SYNPR: variants seen among roughly 807,000 people sequenced by gnomAD.
The protein encoded by SYNPR is synaptoporin.
A neutral mutation model predicts 32.9 loss-of-function variants in SYNPR; 23 were observed. The observed-to-expected ratio is 0.70, with a 90% CI of 0.50 to 0.99. The LOEUF (loss-of-function observed/expected upper bound fraction) is 0.99, where lower values mean the gene tolerates loss of function less well. Ranked by LOEUF, SYNPR falls within the 50% of genes least tolerant of loss-of-function variation. SYNPR has a pLI of 0.00. For synonymous variants in SYNPR, 146 were observed against 135.9 expected, an observed-to-expected ratio of 1.07 and a Z score of -0.52; for missense variants, 318 against 349.3, an observed-to-expected ratio of 0.91 and a Z score of 0.71.
At chr3:63,498,590 T>C (rs28716040) in intron 3 of SYNPR, among the ~76,000 whole-genome samples, 25,960 of 151,914 alleles carry the variant, frequency 0.17, 2,258 homozygotes, top group African/African-American at 0.2. Flanking sequence ...AGATGAACGA[T>C]TGCAAAGATC....
At chr3:63,245,745 G>C (rs866333543) in intron 1 of SYNPR, among the ~76,000 whole-genome samples, 1 of 98,946 alleles carries the variant, frequency 1.0e-5, no homozygotes, top group African/African-American at 4.6e-5. Context: ...GTGTGTATGT[G>C]TGTGTGTGTG....
chr3:63,313,768 TCC>T (rs2086999310), intron 2 of SYNPR, among the ~76,000 whole-genome samples: 1 of 38,734 alleles, frequency 2.6e-5, no homozygotes, highest in Non-Finnish European at 5.4e-5. Flanking sequence ...CATATATATA[TCC>T]ATATATATAT....
chr3:63,362,078 T>C (rs984991290), intron 2 of SYNPR, among the ~76,000 whole-genome samples: 2 of 152,206 alleles, frequency 1.3e-5, no homozygotes, highest in Non-Finnish European at 1.5e-5. Flanking sequence ...TGCTCCTTCA[T>C]ACAGGACCAT....
chr3:63,493,837 A>T (rs1175823571), intron 3 of SYNPR, among the ~76,000 whole-genome samples: 3 of 150,526 alleles, frequency 2.0e-5, no homozygotes. Context: ...AAAAAAAAAA[A>T]TGGAGATTCC....
chr3:63,384,801 C>T (rs2088019826), intron 2 of SYNPR, among the ~76,000 whole-genome samples: 1 of 152,108 alleles, frequency 6.6e-6, no homozygotes, highest in Admixed American at 6.5e-5. Context: ...TTATTTCCTC[C>T]TCTTTTAAAA....
At chr3:63,564,494 CGG>C (rs1559537927) in intron 4 of SYNPR, among the ~76,000 whole-genome samples, 1 of 122,446 alleles carries the variant, frequency 8.2e-6, no homozygotes, top group African/African-American at 3.6e-5. Flanking sequence ...CGTGCCCAGC[CGG>C]TGTGTGTGTG....
intron 2 of SYNPR, among the ~76,000 whole-genome samples, chr3:63,470,315 T>A (rs1354880388): frequency 6.6e-6 from 1 of 152,244 alleles, no homozygotes. Context: ...AACCCTTGCA[T>A]AATATTGATT....
chr3:63,568,508 C>G (rs1338525331), intron 4 of SYNPR, among the ~76,000 whole-genome samples: 2 of 152,142 alleles, frequency 1.3e-5, no homozygotes, highest in Non-Finnish European at 2.9e-5. Flanking sequence ...GATGGTCAAT[C>G]ATGGTGCCTC....
At chr3:63,314,796 G>T (rs989626802) in intron 2 of SYNPR, among the ~76,000 whole-genome samples, 1 of 151,988 alleles carries the variant, frequency 6.6e-6, no homozygotes, top group African/African-American at 2.4e-5. Context: ...TGAAATCCTT[G>T]CCTAAGCCAA....
intron 2 of SYNPR, chr3:63,427,426 G>A (rs1352497550): frequency 6.6e-6 from 1 of 152,168 alleles, no homozygotes; most frequent in East Asian, 1.9e-4. Flanking sequence ...ATGAGAGAGA[G>A]ACTGACCTTG....
At chr3:63,494,598 T>C (rs1389448878) in intron 3 of SYNPR, among the ~76,000 whole-genome samples, 4 of 151,240 alleles carry the variant, frequency 2.6e-5, no homozygotes, top group Non-Finnish European at 5.9e-5. Context: ...AAGGCCACTA[T>C]TGATAAGTTT....
chr3:63,405,115 C>T (rs1469475165), intron 2 of SYNPR, among the ~76,000 whole-genome samples: 1 of 152,124 alleles, frequency 6.6e-6, no homozygotes, highest in Non-Finnish European at 1.5e-5. Flanking sequence ...TTTACTGGCT[C>T]CCTGCCTCCA....
intron 2 of SYNPR, among the ~76,000 whole-genome samples, chr3:63,343,991 C>T (rs1027293004): frequency 6.6e-6 from 1 of 152,202 alleles, no homozygotes; most frequent in African/African-American, 2.4e-5. Context: ...AGTGAAGCCT[C>T]ACAGATGTAC....
At chr3:63,361,488 C>T (rs547794560) in intron 2 of SYNPR, among the ~76,000 whole-genome samples, 5 of 151,646 alleles carry the variant, frequency 3.3e-5, no homozygotes, top group African/African-American at 9.7e-5. Context: ...GTCGCAGCTA[C>T]TCAGGAGGCT....
intron 2 of SYNPR, among the ~76,000 whole-genome samples, chr3:63,473,613 T>C (rs1397226915): frequency 2.3e-4 from 35 of 152,114 alleles, no homozygotes; most frequent in Non-Finnish European, 1.3e-4. Context: ...AAAAATAGAA[T>C]AATGGGAGCC....
chr3:63,407,330 G>T (rs1212209078), intron 2 of SYNPR, among the ~76,000 whole-genome samples: 1 of 152,190 alleles, frequency 6.6e-6, no homozygotes, highest in African/African-American at 2.4e-5. Context: ...TTGAATGAGT[G>T]AAGGATTACA....
intron 4 of SYNPR, among the ~76,000 whole-genome samples, chr3:63,604,516 G>A (rs1700090315): frequency 6.6e-6 from 1 of 152,112 alleles, no homozygotes. Flanking sequence ...TGCTTTCGCT[G>A]TGTCCCAGAG....
the SYNPR span, among the ~76,000 whole-genome samples, chr3:63,202,500 T>G: frequency 1.3e-5 from 2 of 152,128 alleles, no homozygotes; most frequent in Non-Finnish European, 2.9e-5. Context: ...CAGTGGGCCG[T>G]GAACACAGGC....
chr3:63,350,589 T>C (rs1336690186), intron 2 of SYNPR, among the ~76,000 whole-genome samples: 2 of 152,190 alleles, frequency 1.3e-5, no homozygotes, highest in Non-Finnish European at 2.9e-5. Flanking sequence ...TGCACTATTA[T>C]GCAAAACAGC....
Sources: gnomAD v4.1 joint callset for allele counts (sites outside exome capture counted in the v4.1 genomes callset) on GRCh38, gnomAD v4.1.1 for gene constraint, MANE v1.5 for transcripts, NCBI Gene and HGNC (gene_info 2026-07-23, HGNC 2026-07-21) for gene names.